The following ANKRD44 variants were observed in gnomAD, a reference collection of about 807,000 sequenced individuals.
ANKRD44 encodes serine/threonine-protein phosphatase 6 regulatory ankyrin repeat subunit B.
ANKRD44 carries 35 observed loss-of-function variants against 116.0 expected under a neutral mutation model. That is an observed-to-expected ratio of 0.30 (90% CI 0.23 to 0.40). The LOEUF (loss-of-function observed/expected upper bound fraction) is 0.40. ANKRD44 is among the 10% of genes least tolerant of loss of function. The pLI is 1.00. For synonymous variants in ANKRD44, 435 were observed against 461.8 expected (o/e 0.94, Z 0.74); for missense variants, 1,014 against 1,242.6 (o/e 0.82, Z 2.77).
At chr2:197,293,872 G>A (rs550343722) in intron 1 of ANKRD44, among the ~76,000 whole-genome samples, 44 of 152,290 alleles carry the variant, frequency 2.9e-4, no homozygotes, top group Non-Finnish European at 5.4e-4. Context: ...TTACCCAGGC[G>A]GCAGCCTTCA....
chr2:197,213,820 C>T (rs2081378842), intron 1 of ANKRD44, among the ~76,000 whole-genome samples: 1 of 132,506 alleles, frequency 7.5e-6, no homozygotes, highest in Non-Finnish European at 1.5e-5. Context: ...TCTAAGTAAA[C>T]AAGCTTAGAA....
Position 197,085,725 on chromosome 2 carries a change from G to A in ANKRD44, c.1316+955C>T, listed in dbSNP as rs139700126. 2.5e-3 allele frequency among the ~76,000 whole-genome samples: 374 copies of A among 152,230 alleles called. 2 individuals carry two copies. Among genetic ancestry groups the A allele is most frequent in the African/African-American group, 8.0e-3 (333 of 41,554 alleles). On this transcript the variant is annotated intron_variant, in intron 13 of 27. Coordinates refer to ENST00000282272, the MANE Select transcript of ANKRD44 (RefSeq NM_001195144.2). ...TTTAGCATATAATCAAGAAATAACC[G>A]TAAAAATGGGCCACCAGCAGCCCTT...
Position 197,203,635 on chromosome 2 carries a change from G to A in ANKRD44, c.28-16529C>T, listed in dbSNP as rs2081140708. Among the ~76,000 whole-genome samples, 1 of 152,160 alleles carries A rather than the reference G, an allele frequency of 6.6e-6. No homozygotes were observed. Among genetic ancestry groups the A allele is most frequent in the Non-Finnish European group, 1.5e-5 (1 of 68,022 alleles). On this transcript the variant is annotated intron_variant, in intron 1 of 27. Transcript: ENST00000282272. The surrounding 1 kb of genome is among the most constrained non-coding windows in gnomAD (Gnocchi z 4.1). The stretch of plus-strand genomic sequence containing the variant: ...TCCCAAAGAACTGAAAATAGGTGTT[G>A]AAGCAAAAACGTGTACCTAAATGTC...
At chr2:197,097,969 A>T (rs2078201330) in intron 10 of ANKRD44, among the ~76,000 whole-genome samples, 1 of 152,210 alleles carries the variant, frequency 6.6e-6, no homozygotes, top group African/African-American at 2.4e-5. Flanking sequence ...TGTGCTTTTA[A>T]CAGGTTCACA....
At chr2:197,176,717 G>A (rs6745939) in intron 2 of ANKRD44, among the ~76,000 whole-genome samples, 43,751 of 151,910 alleles carry the variant, frequency 0.29, 7,077 homozygotes, top group African/African-American at 0.43. Context: ...ACTTTAGAAA[G>A]TACAAAGTGA....
chr2:197,116,944 A>C (rs1409987057), intron 8 of ANKRD44, among the ~76,000 whole-genome samples: 3 of 152,140 alleles, frequency 2.0e-5, no homozygotes, highest in Admixed American at 6.5e-5. Flanking sequence ...ATCAATAATA[A>C]CATCTATTTT....
At chr2:197,258,754 A>G (rs2082522552) in intron 1 of ANKRD44, among the ~76,000 whole-genome samples, 1 of 152,140 alleles carries the variant, frequency 6.6e-6, no homozygotes, top group African/African-American at 2.4e-5. Context: ...AAGATTTGCT[A>G]TTTCTGGTTT....
chr2:197,148,734 A>G (rs1234096533), intron 2 of ANKRD44, among the ~76,000 whole-genome samples: 1 of 152,228 alleles, frequency 6.6e-6, no homozygotes, highest in African/African-American at 2.4e-5. Context: ...TAAAGAATGC[A>G]CTACCATTAA....
At chr2:197,149,071 T>A (rs1370337850) in intron 2 of ANKRD44, among the ~76,000 whole-genome samples, 2 of 152,244 alleles carry the variant, frequency 1.3e-5, no homozygotes, top group African/African-American at 4.8e-5. Context: ...ATTTTCCATT[T>A]TAGCCTCATG....
rs994532453 is a variant in ANKRD44 at position 197,203,600 on chromosome 2, T to G, written c.28-16494A>C. Among the ~76,000 whole-genome samples the G allele has an allele frequency of 1.3e-5, 2 of 152,192 alleles. No homozygotes were observed. The highest frequency in any genetic ancestry group is 2.9e-5 in the Non-Finnish European group (2 of 68,044). On this transcript the variant is annotated intron_variant, in intron 1 of 27. Transcript: ENST00000282272. This position sits in a 1 kb window ranked among gnomAD's most constrained non-coding sequence, Gnocchi z 4.1. Reference sequence around the variant, plus strand: ...CCATATAATTCAGAAATTCCACTGCTATGTGTATATCCCAAAGAACTGAAA... The same window carrying G: ...CCATATAATTCAGAAATTCCACTGCGATGTGTATATCCCAAAGAACTGAAA...
chr2:196,986,029 T>C (rs2075834397), downstream of ANKRD44, among the ~76,000 whole-genome samples: 1 of 152,226 alleles, frequency 6.6e-6, no homozygotes. Context: ...TGATGTGGAC[T>C]ATATAACTGA....
chr2:197,286,797 A>G (rs77678794), intron 1 of ANKRD44, among the ~76,000 whole-genome samples: 6,110 of 152,234 alleles, frequency 0.04, 392 homozygotes, highest in African/African-American at 0.14. Flanking sequence ...ACAGAATGAA[A>G]AATCTCTAAG....
chr2:196,987,015 T>C lies in ANKRD44; in HGVS notation c.*2576A>G, dbSNP rs2075845419. 2.0e-6 allele frequency: 2 copies of C among 985,258 alleles called. No individual in the cohort carries two copies. Among genetic ancestry groups the C allele is most frequent in the Non-Finnish European group, 2.4e-6 (2 of 829,868 alleles). The allele number at this position is 985,258 out of a possible 1,614,324, so 61.0% of individuals were successfully genotyped here. A position where few individuals can be genotyped will look rare whatever the true frequency, so the allele number is the denominator to read the frequency against. On this transcript the variant is annotated 3_prime_UTR_variant, in exon 28 of 28. Transcript: ENST00000282272. The stretch of plus-strand genomic sequence containing the variant: ...TTTGTATCATCGTGCTTTACAAAGA[T>C]ATATTGCACATGCTAGAGCATAAAA...
At chr2:197,060,404 G>T (rs575245829) in intron 16 of ANKRD44, among the ~76,000 whole-genome samples, 49 of 152,258 alleles carry the variant, frequency 3.2e-4, no homozygotes, top group African/African-American at 1.1e-3. Flanking sequence ...AGGAGTAACT[G>T]ACAAGAAAAA....
Position 197,121,486 on chromosome 2 carries a change from T to G in ANKRD44, c.752A>C (p.Gln251Pro). Reference sequence around the variant, plus strand: ...AATCAACTCGTTAACCACAGCATCCTGTCCATTGTAGCAGGCGATGTGAAG... The same window carrying G: ...AATCAACTCGTTAACCACAGCATCCGGTCCATTGTAGCAGGCGATGTGAAG... ...TALHIACYNG[Q>P]DAVVNELIDY... Residue 251 changes from glutamine (Q) to proline (P), a missense_variant, in exon 8 of 28, where the codon CAG becomes CCG. Physicochemically the swap from Gln to Pro is moderately conservative, Grantham distance 76. Transcript: ENST00000282272. 1 of 1,614,252 alleles carries G rather than the reference T, an allele frequency of 6.2e-7. No individual in the cohort carries two copies. Among genetic ancestry groups the G allele is most frequent in the Non-Finnish European group, 8.5e-7 (1 of 1,180,044 alleles).
chr2:197,209,141 C>T (rs2697308), intron 1 of ANKRD44, among the ~76,000 whole-genome samples: 152,348 of 152,358 alleles, frequency 1, 76,169 homozygotes, highest in Non-Finnish European at 1. Context: ...AAAGACAAGA[C>T]GTTCTGAGTA....
chr2:196,989,672 A>G lies in ANKRD44; in HGVS notation c.2924-23T>C, dbSNP rs969655733. ...AAGCTTTGGCAGAGGGAGCAGACAC[A>G]GTATTCACTATGTTGATTTCATCAT... On this transcript the variant is annotated intron_variant, in intron 27 of 27. Coordinates refer to ENST00000282272, the MANE Select transcript of ANKRD44 (RefSeq NM_001195144.2). The G allele has an allele frequency of 3.9e-6, 6 of 1,549,868 alleles. No homozygotes were observed. In the African/African-American group the frequency reaches 6.8e-5, roughly 18 times the overall value.
At chr2:197,065,723 ATATACACCCTC>A (rs2077417933) in intron 16 of ANKRD44, among the ~76,000 whole-genome samples, 1 of 152,218 alleles carries the variant, frequency 6.6e-6, no homozygotes, top group Non-Finnish European at 1.5e-5. Flanking sequence ...ATTCCTGGAC[ATATACACCCTC>A]CCAAGACTAA....
chr2:197,290,918 G>A (rs911833309), intron 1 of ANKRD44, among the ~76,000 whole-genome samples: 3 of 151,802 alleles, frequency 2.0e-5, no homozygotes, highest in African/African-American at 4.8e-5. Context: ...TTTTAATGTA[G>A]TACATTTGTG....
Sources: gnomAD v4.1 joint callset for allele counts (sites outside exome capture counted in the v4.1 genomes callset) on GRCh38, gnomAD v4.1.1 for gene constraint, Gnocchi (gnomAD v3.1) non-coding constraint, MANE v1.5 for transcripts, NCBI Gene and HGNC (gene_info 2026-07-23, HGNC 2026-07-21) for gene names.